The following NR2C1 variants were observed in gnomAD, a reference collection of about 807,000 sequenced individuals.
NR2C1 encodes the protein TR2 nuclear hormone receptor.
A neutral mutation model predicts 74.8 loss-of-function variants in NR2C1; 33 were observed. That is an observed-to-expected ratio of 0.44 (90% CI 0.33 to 0.59). NR2C1 has a LOEUF of 0.59. Ranked by LOEUF, NR2C1 falls within the 20% of genes least tolerant of loss-of-function variation. The probability of loss-of-function intolerance (pLI) is 0.02; values close to 1 mark genes in which losing one functional copy is unlikely to be tolerated. For synonymous variants in NR2C1, 225 were observed against 240.6 expected (o/e 0.94, Z 0.60); for missense variants, 568 against 715.6 (o/e 0.79, Z 2.35).
At chr12:95,062,145 T>C (rs1331894434) in intron 3 of NR2C1, among the ~76,000 whole-genome samples, 4 of 152,308 alleles carry the variant, frequency 2.6e-5, no homozygotes, top group Non-Finnish European at 1.5e-5. Context: ...GGAGGTCTCT[T>C]AGAAGCCAGT....
At chr12:95,022,459 T>C (rs1216304546) in intron 13 of NR2C1, 56 bp from the exon 14 acceptor site, 2 of 1,385,824 alleles carry the variant, frequency 1.4e-6, no homozygotes, top group Non-Finnish European at 2.0e-6. Flanking sequence ...GAAAGAAATT[T>C]AGTAGAAAAA....
chr12:95,041,028 C>T (rs1234698725), intron 9 of NR2C1, among the ~76,000 whole-genome samples: 1 of 152,170 alleles, frequency 6.6e-6, no homozygotes, highest in Non-Finnish European at 1.5e-5. Context: ...GTAAGGAGTG[C>T]AACAGGCTTG....
chr12:95,062,526 C>T lies in NR2C1; in HGVS notation c.267G>A (p.Leu89=). 6.2e-7 allele frequency: 1 copy of T among 1,608,492 alleles called. No individual in the cohort carries two copies. The highest frequency in any genetic ancestry group is 1.3e-5 in the African/African-American group (1 of 74,842). Residue 89 remains leucine, a synonymous_variant, in exon 3 of 14, where the codon CTG becomes CTA. Transcript: ENST00000333003. The stretch of plus-strand genomic sequence containing the variant: ...TATTTACCTGCAGGTGTTGTGCAGA[C>T]AGATCAGGAGTGGTAAAAAATAACT... The part of the protein sequence containing the change: ...VNQLFFTTPD[L]SAQHLQLLTD...
intron 2 of NR2C1, 170 bp downstream of exon 2, chr12:95,067,161 C>A: frequency 1.5e-6 from 1 of 655,298 alleles, no homozygotes; most frequent in Non-Finnish European, 2.7e-6. Flanking sequence ...CAGAACTTAC[C>A]ACATTCTACT....
Position 95,020,488 on chromosome 12 carries a change from C to CTGAT in NR2C1, c.*1737_*1740dup, listed in dbSNP as rs1427904484. 1 of 151,962 alleles carries CTGAT rather than the reference C, an allele frequency of 6.6e-6. No homozygotes were observed. The highest frequency in any genetic ancestry group is 1.5e-5 in the Non-Finnish European group (1 of 67,998). The allele number at this position is 151,962 out of a possible 1,614,324, so 9.4% of individuals were successfully genotyped here. A position where few individuals can be genotyped will look rare whatever the true frequency, so the allele number is the denominator to read the frequency against. On this transcript the variant is annotated 3_prime_UTR_variant, in exon 14 of 14. Coordinates refer to ENST00000333003, the MANE Select transcript of NR2C1 (RefSeq NM_003297.4). The stretch of plus-strand genomic sequence containing the variant: ...GAGTATTATACTAAATGTAATTTAG[C>CTGAT]TGATAATTATAAATAAAATTGTTGA...
At chr12:95,064,194 T>G (rs1875263416) in intron 2 of NR2C1, among the ~76,000 whole-genome samples, 1 of 151,514 alleles carries the variant, frequency 6.6e-6, no homozygotes, top group African/African-American at 2.4e-5. Context: ...CTGGGCATGG[T>G]GGCATGTGCC....
chr12:95,029,559 C>CTTT (rs34742046), intron 11 of NR2C1, among the ~76,000 whole-genome samples: 18 of 130,098 alleles, frequency 1.4e-4, no homozygotes, highest in African/African-American at 4.8e-4. Flanking sequence ...GTAATGGTTC[C>CTTT]TTTTTTTTTT....
At chr12:95,058,694 A>G (rs890104261) in intron 4 of NR2C1, among the ~76,000 whole-genome samples, 1 of 152,182 alleles carries the variant, frequency 6.6e-6, no homozygotes, top group African/African-American at 2.4e-5. Context: ...CTGAAGTGTA[A>G]TGGTGCGATC....
chr12:95,059,205 G>A (rs1186436736), intron 4 of NR2C1, among the ~76,000 whole-genome samples: 1 of 151,808 alleles, frequency 6.6e-6, no homozygotes, highest in East Asian at 2.0e-4. Context: ...AGAAGGCCGA[G>A]GCAGGAGAAT....
intron 1 of NR2C1, 89 bp from the exon 2 acceptor site, chr12:95,067,480 T>C (rs1339617733): frequency 9.3e-7 from 1 of 1,074,982 alleles, no homozygotes; most frequent in African/African-American, 1.6e-5. Context: ...ATATTTAAGA[T>C]TTGCTTCAAA....
At chr12:95,032,457 C>CAAAAAAAAAAAAAAAAAAAA (rs905079010) in intron 10 of NR2C1, among the ~76,000 whole-genome samples, 1 of 90,658 alleles carries the variant, frequency 1.1e-5, no homozygotes, top group African/African-American at 4.1e-5. Flanking sequence ...GACTCCGTCT[C>CAAAAAAAAAAAAAAAAAAAA]AAAAAAAAAA....
At chr12:95,072,129 A>G (rs146987914) in intron 1 of NR2C1, among the ~76,000 whole-genome samples, 1 of 146,508 alleles carries the variant, frequency 6.8e-6, no homozygotes, top group African/African-American at 2.5e-5. Context: ...AAAAACAATC[A>G]TCGGCCGGGC....
chr12:95,044,479 C>T (rs1042832677), intron 9 of NR2C1, among the ~76,000 whole-genome samples: 52 of 151,238 alleles, frequency 3.4e-4, no homozygotes, highest in African/African-American at 1.2e-3. Flanking sequence ...GGTTTCACCA[C>T]GTTGGTCAGT....
intron 4 of NR2C1, among the ~76,000 whole-genome samples, chr12:95,058,991 C>T (rs943048431): frequency 1.3e-5 from 2 of 152,252 alleles, no homozygotes; most frequent in African/African-American, 4.8e-5. Context: ...GCCAAAATTT[C>T]TAGTTTTCAC....
Position 95,051,746 on chromosome 12 carries a change from T to C in NR2C1, c.965+16A>G. On this transcript the variant is annotated intron_variant, in intron 8 of 13. Transcript: ENST00000333003. ...CATGTAAACAAAAGGACATTGATAATCAAAAGATACCTTACCTTGAAACAT... is the reference window on the plus strand; with the variant it reads ...CATGTAAACAAAAGGACATTGATAACCAAAAGATACCTTACCTTGAAACAT... The C allele has an allele frequency of 3.2e-6, 5 of 1,577,612 alleles. No individual in the cohort carries two copies. The highest frequency in any genetic ancestry group is 4.3e-6 in the Non-Finnish European group (5 of 1,168,620).
Position 95,051,747 on chromosome 12 carries a change from C to A in NR2C1, c.965+15G>T. On this transcript the variant is annotated intron_variant, in intron 8 of 13. Coordinates refer to ENST00000333003, the MANE Select transcript of NR2C1 (RefSeq NM_003297.4). ...ATGTAAACAAAAGGACATTGATAATCAAAAGATACCTTACCTTGAAACATC... is the reference window on the plus strand; with the variant it reads ...ATGTAAACAAAAGGACATTGATAATAAAAAGATACCTTACCTTGAAACATC... 1.3e-6 allele frequency: 2 copies of A among 1,576,318 alleles called. No homozygotes were observed. Among genetic ancestry groups the A allele is most frequent in the South Asian group, 1.2e-5 (1 of 84,104 alleles).
At chr12:95,030,452 G>A in intron 11 of NR2C1, 2 of 1,447,618 alleles carry the variant, frequency 1.4e-6, no homozygotes, top group South Asian at 3.2e-5. Context: ...AGAGGGACAT[G>A]TTTAAAACCC....
chr12:95,055,047 T>C (rs996896073), intron 7 of NR2C1, among the ~76,000 whole-genome samples: 1 of 152,206 alleles, frequency 6.6e-6, no homozygotes, highest in South Asian at 2.1e-4. Flanking sequence ...ACACAGCACA[T>C]GTTTCAGAGA....
In NR2C1 at chr12:95,059,941, A is replaced by G; in HGVS notation, c.329T>C (p.Phe110Ser). ...NSPDQGPNKVFDLCVVCGDKA... is the reference protein window; with the variant it reads ...NSPDQGPNKVSDLCVVCGDKA... Reference sequence around the variant, plus strand: ...GTCTCCACATACTACGCAAAGATCAAAAACCTTATTTGGTCCTTGGTCTGG... The same window carrying G: ...GTCTCCACATACTACGCAAAGATCAGAAACCTTATTTGGTCCTTGGTCTGG... The change falls in exon 4 of 14, where the codon TTT (phenylalanine) becomes TCT (serine). Residue 110 changes from phenylalanine (F) to serine (S), a missense_variant. By Grantham distance (155) the Phe-to-Ser change is radical. Transcript: ENST00000333003. The G allele has an allele frequency of 6.3e-7, 1 of 1,598,154 alleles. No individual in the cohort carries two copies. The highest frequency in any genetic ancestry group is 8.5e-7 in the Non-Finnish European group (1 of 1,176,204).
Sources: allele counts gnomAD v4.1 joint callset (sites outside exome capture counted in the v4.1 genomes callset), GRCh38; gene constraint gnomAD v4.1.1; transcripts MANE v1.5; gene names NCBI Gene and HGNC (gene_info 2026-07-23, HGNC 2026-07-21).